NSFL1C: variants seen among roughly 807,000 people sequenced by gnomAD.
NSFL1C encodes NSFL1 cofactor, also known as NSFL1 cofactor p47.
Under a neutral mutation model 43.1 loss-of-function variants are expected in NSFL1C, and 14 were observed. The observed-to-expected ratio is 0.32, with a 90% CI of 0.21 to 0.51. The LOEUF is 0.51. NSFL1C is among the 20% of genes least tolerant of loss of function. The probability of loss-of-function intolerance (pLI) is 0.98; values close to 1 mark genes in which losing one functional copy is unlikely to be tolerated. For synonymous variants in NSFL1C, 171 were observed against 183.5 expected (o/e 0.93, Z 0.55); for missense variants, 406 against 472.5 (o/e 0.86, Z 1.30).
rs929960619 is a variant in NSFL1C, at chr20:1,454,227, G to A, written c.523C>T (p.His175Tyr). ...GATGCACTCACATCTTGGCTGGAAT[G>A]CTGCCTCTTTTCTCCTGCCACATAG... ...SAYVAGEKRQ[H>Y]SSQDVHVVLK... is the part of the protein sequence containing the mutation. The change falls in exon 5 of 9, where the codon CAT becomes TAT. Residue 175 changes from histidine (H) to tyrosine (Y), a missense_variant. Coordinates refer to ENST00000216879, the MANE Select transcript of NSFL1C (RefSeq NM_016143.5). 1 of 1,613,176 alleles carries A rather than the reference G, an allele frequency of 6.2e-7. No individual in the cohort carries two copies.
Position 1,458,196 on chromosome 20 carries a change from T to A in NSFL1C, c.278+4A>T. The A allele has an allele frequency of 6.2e-7, 1 of 1,612,960 alleles. No individual in the cohort carries two copies. The highest frequency in any genetic ancestry group is 8.5e-7 in the Non-Finnish European group (1 of 1,178,966). ...GTCCCCCTGACCCCCTCTAGAAGAC[T>A]CACCTCTGGCCTTCCTCTTCCTCCT... is the stretch of plus-strand genomic sequence containing the variant. On this transcript the variant is annotated splice_donor_region_variant and intron_variant, in intron 3 of 8. Coordinates refer to ENST00000216879, the MANE Select transcript of NSFL1C (RefSeq NM_016143.5).
chr20:1,464,436 A>C lies in NSFL1C; in HGVS notation c.106-10T>G. The C allele has an allele frequency of 6.2e-7, 1 of 1,612,974 alleles. No individual in the cohort carries two copies. The highest frequency in any genetic ancestry group is 8.5e-7 in the Non-Finnish European group (1 of 1,178,874). On this transcript the variant is annotated splice_polypyrimidine_tract_variant and intron_variant, in intron 1 of 8. Coordinates refer to ENST00000216879, the MANE Select transcript of NSFL1C (RefSeq NM_016143.5). ...AGCTCGCTAGCGCGATCTGAAACAG[A>C]GAGGTAGTACCTTGGGACCCTTAAA... is the stretch of plus-strand genomic sequence containing the variant.
intron 7 of NSFL1C, among the ~76,000 whole-genome samples, chr20:1,451,794 TG>T (rs1483224627): frequency 6.6e-6 from 1 of 152,116 alleles, no homozygotes; most frequent in Admixed American, 6.5e-5. Flanking sequence ...AGGCTTTGAA[TG>T]GAAGATAGAG....
intron 5 of NSFL1C, among the ~76,000 whole-genome samples, chr20:1,453,510 CCA>C (rs1210457608): frequency 6.6e-6 from 1 of 152,138 alleles, no homozygotes; most frequent in Non-Finnish European, 1.5e-5. Context: ...ATGGACTATT[CCA>C]CAGTCATTAA....
At chr20:1,447,135 A>C (rs1000006974) in intron 7 of NSFL1C, among the ~76,000 whole-genome samples, 2 of 152,240 alleles carry the variant, frequency 1.3e-5, no homozygotes, top group African/African-American at 4.8e-5. Context: ...AGTAGAGCTC[A>C]GAGGAGAATG....
chr20:1,449,458 T>C (rs1378122895), intron 7 of NSFL1C, among the ~76,000 whole-genome samples: 2 of 152,156 alleles, frequency 1.3e-5, no homozygotes, highest in African/African-American at 4.8e-5. Flanking sequence ...TAAGAGCACA[T>C]CATTCAAAGA....
chr20:1,466,816 C>T lies in NSFL1C; in HGVS notation c.9G>A (p.Ala3=), dbSNP rs771667394. 9 of 1,542,758 alleles carry T rather than the reference C, an allele frequency of 5.8e-6. No homozygotes were observed. In the South Asian group the frequency reaches 7.2e-5, roughly 12 times the overall value. ...ACTCCCTCAGCGCCTCCTGTCGCTC[C>T]GCCGCCATCTTCGCCCCGTGCGCCT... The part of the protein sequence containing the change: MA[A]ERQEALREFV... Residue 3 remains alanine (A), a synonymous_variant, in exon 1 of 9, where the codon GCG becomes GCA. Coordinates refer to ENST00000216879, the MANE Select transcript of NSFL1C (RefSeq NM_016143.5).
At position 1,445,763 on chromosome 20, in the gene NSFL1C, A is replaced by G. The variant is rs752248671; in HGVS notation, c.853T>C (p.Ser285Pro). 3 of 1,613,940 alleles carry G rather than the reference A, an allele frequency of 1.9e-6. No homozygotes were observed. Among genetic ancestry groups the G allele is most frequent in the Non-Finnish European group, 2.5e-6 (3 of 1,179,954 alleles). The part of the protein sequence containing the change: ...QQAENEAKAS[S>P]SILIDESEPT... ...TCTGATTCGTCGATTAAGATGGAAG[A>G]GCTGGCTTTGGCTTCATTTTCTGCC... is the stretch of plus-strand genomic sequence containing the variant. Residue 285 changes from serine (S) to proline (P), a missense_variant, in exon 8 of 9, where the codon TCT (serine) becomes CCT (proline). Coordinates refer to ENST00000216879, the MANE Select transcript of NSFL1C (RefSeq NM_016143.5).
chr20:1,454,277 C>G lies in NSFL1C; in HGVS notation c.473G>C (p.Gly158Ala). ...GGCAGACTCTTCCTCTGGTGCTGCC[C>G]CAAGGCGGTAGCCACCTCCTGCAAA... ...RPFAGGGYRLGAAPEEESAYV... is the reference protein window; with the variant it reads ...RPFAGGGYRLAAAPEEESAYV... The change falls in exon 5 of 9, where the codon GGG (glycine) becomes GCG (alanine). Residue 158 changes from glycine (G) to alanine (A), a missense_variant. By Grantham distance (60) the Gly-to-Ala change is moderately conservative. Around this residue, in one of 3 missense-constraint regions of NSFL1C, gnomAD observed 203 missense variants for 216.3 expected, o/e 0.94. Transcript: ENST00000216879. 1 of 1,612,632 alleles carries G rather than the reference C, an allele frequency of 6.2e-7. No individual in the cohort carries two copies. Among genetic ancestry groups the G allele is most frequent in the Non-Finnish European group, 8.5e-7 (1 of 1,180,016 alleles).
intron 7 of NSFL1C, among the ~76,000 whole-genome samples, chr20:1,450,672 CT>C: frequency 6.6e-6 from 1 of 152,234 alleles, no homozygotes; most frequent in East Asian, 1.9e-4. Flanking sequence ...AAAATATAGC[CT>C]TTTTGAAGGG....
chr20:1,464,536 G>T, intron 1 of NSFL1C, 110 bp from the exon 2 acceptor site: 1 of 797,946 alleles, frequency 1.3e-6, no homozygotes, highest in Non-Finnish European at 2.1e-6. Context: ...AAGGTAGCTT[G>T]CATCCATGGG....
At chr20:1,463,271 T>C (rs1397496476) in intron 2 of NSFL1C, 1 of 152,256 alleles carries the variant, frequency 6.6e-6, no homozygotes, top group African/African-American at 2.4e-5. Flanking sequence ...CTAAGGTGGC[T>C]GTCAAAGACT....
chr20:1,455,192 G>A, intron 3 of NSFL1C, 60 bp from the exon 4 acceptor site: 1 of 1,592,038 alleles, frequency 6.3e-7, no homozygotes, highest in Non-Finnish European at 8.6e-7. Context: ...TAGAGCATGT[G>A]CCAGGTTGGT....
chr20:1,454,386 T>C (rs566468467), intron 4 of NSFL1C, 81 bp from the exon 5 acceptor site: 2 of 971,628 alleles, frequency 2.1e-6, no homozygotes, highest in Non-Finnish European at 3.2e-6. Context: ...ATATATATCT[T>C]AGGTAAGAGG....
intron 7 of NSFL1C, among the ~76,000 whole-genome samples, chr20:1,448,190 C>T (rs532863883): frequency 6.6e-5 from 10 of 152,232 alleles, no homozygotes; most frequent in South Asian, 2.1e-4. Context: ...CACAGCTCCA[C>T]GCCTTTTGGG....
chr20:1,451,212 C>G (rs190185520), intron 7 of NSFL1C, among the ~76,000 whole-genome samples: 1 of 152,318 alleles, frequency 6.6e-6, no homozygotes, highest in East Asian at 1.9e-4. Flanking sequence ...ATGATGAGAA[C>G]AGGGATGACT....
chr20:1,456,481 C>G (rs1439803215), intron 3 of NSFL1C: 1 of 152,158 alleles, frequency 6.6e-6, no homozygotes, highest in African/African-American at 2.4e-5. Flanking sequence ...AGCCCACTTC[C>G]CCAAAGACTG....
chr20:1,463,181 A>G (rs887510324), intron 2 of NSFL1C, among the ~76,000 whole-genome samples: 1 of 152,216 alleles, frequency 6.6e-6, no homozygotes, highest in East Asian at 1.9e-4. Context: ...AGAAAGGAGT[A>G]AACATGTAAC....
At position 1,449,408 on chromosome 20, in the gene NSFL1C, G is replaced by C. The variant is rs2090138390; in HGVS notation, c.785+3085C>G. ...AAGGAGGATGGGGAGTGGAAGAGGA[G>C]GGGAAACCTGAAGACCAGGCCTCCT... On this transcript the variant is annotated intron_variant, in intron 7 of 8. Transcript: ENST00000216879. Among the ~76,000 whole-genome samples, 3 of 152,304 alleles carry C rather than the reference G, an allele frequency of 2.0e-5. No homozygotes were observed. In the South Asian group the frequency reaches 6.2e-4, roughly 32 times the overall value.
Sources: allele counts gnomAD v4.1 joint callset (sites outside exome capture counted in the v4.1 genomes callset), GRCh38; gene constraint gnomAD v4.1.1; regional missense constraint gnomAD v4.1.1; transcripts MANE v1.5; gene names NCBI Gene and HGNC (gene_info 2026-07-23, HGNC 2026-07-21).